Variants in LIN54 observed in about 807,000 individuals in gnomAD.
LIN54 encodes lin-54 DREAM MuvB core complex component.
A neutral mutation model predicts 78.7 loss-of-function variants in LIN54; 9 were observed. The observed-to-expected ratio is 0.11, with a 90% confidence interval of 0.07 to 0.20. The LOEUF is 0.20. LIN54 is among the 10% of genes least tolerant of loss of function. The pLI is 1.00. For synonymous variants in LIN54, 269 were observed against 318.4 expected (o/e 0.84, Z 1.65); for missense variants, 573 against 889.9 (o/e 0.64, Z 4.53).
At chr4:83,004,398 C>CA (rs34722830) in intron 1 of LIN54, among the ~76,000 whole-genome samples, 34,073 of 100,728 alleles carry the variant, frequency 0.34, 6,113 homozygotes, top group African/African-American at 0.53. Flanking sequence ...GACTCCGTTG[C>CA]AAAAAAAAAA....
intron 1 of LIN54, among the ~76,000 whole-genome samples, chr4:82,989,032 C>CA (rs1414346137): frequency 6.6e-6 from 1 of 151,894 alleles, no homozygotes; most frequent in Non-Finnish European, 1.5e-5. Flanking sequence ...ATTAAAAATA[C>CA]AAAAAATTAG....
In LIN54 at chr4:82,939,914, A is replaced by G; in HGVS notation, c.1217T>C (p.Ile406Thr). The G allele has an allele frequency of 6.2e-7, 1 of 1,612,592 alleles. No individual in the cohort carries two copies. Among genetic ancestry groups the G allele is most frequent in the Non-Finnish European group, 8.5e-7 (1 of 1,179,562 alleles). ...TTGTTTGACAGCCTGAGCTGAGACA[A>G]TTGGAACTGACATCCGCACTGGGGT... Reference protein sequence around the residue: ...NTTPVRMSVPIVSAQAVKQVV... With the variant: ...NTTPVRMSVPTVSAQAVKQVV... The change falls in exon 6 of 13, where the codon ATT becomes ACT. Residue 406 changes from isoleucine (I) to threonine (T), a missense_variant. Ile to Thr is a moderately conservative substitution (Grantham distance 89). This residue lies in a region of LIN54 where 199 missense variants were observed against 260.9 expected (regional missense o/e 0.76). Coordinates refer to ENST00000340417, the MANE Select transcript of LIN54 (RefSeq NM_194282.4).
chr4:82,948,557 C>G (rs926860345), intron 4 of LIN54, among the ~76,000 whole-genome samples: 1 of 152,078 alleles, frequency 6.6e-6, no homozygotes, highest in Non-Finnish European at 1.5e-5. Flanking sequence ...GTTTTTGTGG[C>G]AAGGGCAGTT....
At chr4:82,991,029 C>T (rs761610938) in intron 1 of LIN54, among the ~76,000 whole-genome samples, 5 of 151,848 alleles carry the variant, frequency 3.3e-5, no homozygotes, top group African/African-American at 1.2e-4. Flanking sequence ...GGTGCAATGG[C>T]GTGCACCTGT....
At chr4:82,974,408 A>C (rs1034482277) in intron 3 of LIN54, among the ~76,000 whole-genome samples, 1 of 152,134 alleles carries the variant, frequency 6.6e-6, no homozygotes, top group East Asian at 1.9e-4. Context: ...ATGCACCTTA[A>C]GGACATTATG....
intron 1 of LIN54, among the ~76,000 whole-genome samples, chr4:83,007,805 C>T (rs1396300007): frequency 6.6e-6 from 1 of 152,102 alleles, no homozygotes; most frequent in Non-Finnish European, 1.5e-5. Flanking sequence ...GGGATTATCA[C>T]TTGAGCCTGG....
At chr4:82,988,507 G>GT (rs1219834777) in intron 1 of LIN54, among the ~76,000 whole-genome samples, 1 of 152,160 alleles carries the variant, frequency 6.6e-6, no homozygotes, top group African/African-American at 2.4e-5. Flanking sequence ...TTAGGTTCAA[G>GT]TTTTTTCAGA....
At chr4:82,954,112 A>C (rs1724082529) in intron 4 of LIN54, among the ~76,000 whole-genome samples, 2 of 152,226 alleles carry the variant, frequency 1.3e-5, no homozygotes, top group South Asian at 4.1e-4. Context: ...TATTGGAGTA[A>C]GGAAGACTTA....
chr4:82,981,958 T>TG (rs1157943289), intron 2 of LIN54, among the ~76,000 whole-genome samples: 2 of 151,920 alleles, frequency 1.3e-5, no homozygotes, highest in Non-Finnish European at 2.9e-5. Flanking sequence ...CATTTGAGCT[T>TG]GGGGGGTCAA....
chr4:82,939,445 G>A, intron 7 of LIN54, 94 bp downstream of exon 7: 12 of 1,039,150 alleles, frequency 1.2e-5, no homozygotes, highest in Non-Finnish European at 1.8e-5. Flanking sequence ...TCAATACTGA[G>A]TTAGATGTGT....
chr4:82,929,386 G>T (rs990540954), intron 12 of LIN54, among the ~76,000 whole-genome samples: 4 of 152,002 alleles, frequency 2.6e-5, no homozygotes, highest in Admixed American at 2.0e-4. Flanking sequence ...GTGGAGATTA[G>T]ATTCAATACT....
intron 4 of LIN54, among the ~76,000 whole-genome samples, chr4:82,959,501 AAAC>A (rs1198769603): frequency 6.6e-6 from 1 of 152,204 alleles, no homozygotes; most frequent in Non-Finnish European, 1.5e-5. Flanking sequence ...TCTTGGAAAA[AAAC>A]AAAAACAAAA....
In LIN54 at chr4:82,928,313, T is replaced by G; in HGVS notation, c.2049-10A>C. The G allele has an allele frequency of 6.2e-7, 1 of 1,607,438 alleles. No homozygotes were observed. Among genetic ancestry groups the G allele is most frequent in the East Asian group, 2.2e-5 (1 of 44,848 alleles). On this transcript the variant is annotated splice_polypyrimidine_tract_variant and intron_variant, in intron 12 of 12. Coordinates refer to ENST00000340417, the MANE Select transcript of LIN54 (RefSeq NM_194282.4). ...AAATGTAAATGGCAATCTGAAATGATTTTTGAAAGAGAAAGATGATGGTGG... is the reference window on the plus strand; with the variant it reads ...AAATGTAAATGGCAATCTGAAATGAGTTTTGAAAGAGAAAGATGATGGTGG...
intron 1 of LIN54, among the ~76,000 whole-genome samples, chr4:83,001,761 T>C (rs1728794379): frequency 7.0e-6 from 1 of 143,606 alleles, no homozygotes; most frequent in African/African-American, 2.6e-5. Flanking sequence ...GGCAGGAGAA[T>C]GGCATGAACC....
chr4:82,930,599 G>GGC (rs1721867444), intron 12 of LIN54, among the ~76,000 whole-genome samples: 1 of 152,194 alleles, frequency 6.6e-6, no homozygotes, highest in African/African-American at 2.4e-5. Flanking sequence ...AAATGGAAAA[G>GGC]GCAAGAGAAG....
At chr4:82,932,718 G>A (rs1481605053) in intron 11 of LIN54, among the ~76,000 whole-genome samples, 1 of 151,256 alleles carries the variant, frequency 6.6e-6, no homozygotes, top group Non-Finnish European at 1.5e-5. Context: ...TCAGCTACTC[G>A]AGAGGCTGAG....
At chr4:82,993,253 G>C (rs962492570) in intron 1 of LIN54, among the ~76,000 whole-genome samples, 1 of 103,714 alleles carries the variant, frequency 9.6e-6, no homozygotes, top group Non-Finnish European at 1.9e-5. Flanking sequence ...TTTCACTCTT[G>C]TTGCCCAGGC....
Position 82,936,283 on chromosome 4 carries a change from A to G in LIN54, c.1703T>C (p.Ile568Thr). ...LEHENERQKA[I>T]KACLDRNPEA... ...AATGAAATAAAAAATAATCACCTTT[A>G]TTGCTTTTTGCCTTTCATTTTCATG... Residue 568 changes from isoleucine (I) to threonine (T), a missense_variant, in exon 10 of 13, where the codon ATA becomes ACA. By Grantham distance (89) the Ile-to-Thr change is moderately conservative (BLOSUM62 -1). This residue lies in a region of LIN54 where 101 missense variants were observed against 194.2 expected (regional missense o/e 0.52). Coordinates refer to ENST00000340417, the MANE Select transcript of LIN54 (RefSeq NM_194282.4). The G allele has an allele frequency of 1.3e-6, 2 of 1,560,310 alleles. No homozygotes were observed. Among genetic ancestry groups the G allele is most frequent in the Non-Finnish European group, 1.7e-6 (2 of 1,144,840 alleles).
intron 1 of LIN54, among the ~76,000 whole-genome samples, chr4:82,985,870 AC>A (rs1560775821): frequency 1.3e-5 from 2 of 152,120 alleles, no homozygotes; most frequent in Non-Finnish European, 2.9e-5. Flanking sequence ...GTCAAAAAGA[AC>A]CATTTAAGAG....
Sources: allele counts gnomAD v4.1 joint callset (sites outside exome capture counted in the v4.1 genomes callset), GRCh38; gene constraint gnomAD v4.1.1; regional missense constraint gnomAD v4.1.1; transcripts MANE v1.5; gene names NCBI Gene and HGNC (gene_info 2026-07-23, HGNC 2026-07-21).